Variants in TBC1D5 observed in about 807,000 individuals in gnomAD.
TBC1D5 encodes the protein TBC1 domain family, member 5.
In TBC1D5, 75 loss-of-function variants were observed where a neutral mutation model predicts 100.3. The observed-to-expected ratio is 0.75, with a 90% CI of 0.62 to 0.91. The LOEUF (loss-of-function observed/expected upper bound fraction) is 0.91. Ranked by LOEUF, TBC1D5 falls within the 40% of genes least tolerant of loss-of-function variation. TBC1D5 has a pLI of 0.00. For missense variants in TBC1D5, 910 were observed against 942.4 expected (o/e 0.97, Z 0.45); for synonymous variants, 323 against 325.6 (o/e 0.99, Z 0.09).
chr3:17,530,341 T>C (rs1191494233), intron 2 of TBC1D5, among the ~76,000 whole-genome samples: 1 of 149,184 alleles, frequency 6.7e-6, no homozygotes, highest in African/African-American at 2.5e-5. Flanking sequence ...AAAATATCGA[T>C]GGGGGGTTGG....
intron 3 of TBC1D5, among the ~76,000 whole-genome samples, chr3:17,476,919 A>G (rs1195200549): frequency 2.6e-5 from 4 of 152,008 alleles, no homozygotes; most frequent in Admixed American, 2.0e-4. Context: ...CACACGTTAT[A>G]TAACAAGGAA....
chr3:17,593,498 T>C (rs553107210), intron 2 of TBC1D5, among the ~76,000 whole-genome samples: 1 of 152,258 alleles, frequency 6.6e-6, no homozygotes, highest in East Asian at 1.9e-4. Flanking sequence ...TGGTGACAGG[T>C]TGATTATACT....
At chr3:17,378,774 T>G (rs2092811307) in intron 9 of TBC1D5, among the ~76,000 whole-genome samples, 1 of 151,608 alleles carries the variant, frequency 6.6e-6, no homozygotes, top group African/African-American at 2.4e-5. Flanking sequence ...TTCCTTTTTT[T>G]TTTTTCAGTT....
At chr3:17,511,348 T>G (rs1433346988) in intron 2 of TBC1D5, among the ~76,000 whole-genome samples, 1 of 151,986 alleles carries the variant, frequency 6.6e-6, no homozygotes, top group East Asian at 1.9e-4. Context: ...TTCCTTAAAT[T>G]TTCTTTAATA....
chr3:17,680,641 T>A (rs2069322932), intron 1 of TBC1D5, among the ~76,000 whole-genome samples: 1 of 151,380 alleles, frequency 6.6e-6, no homozygotes, highest in Non-Finnish European at 1.5e-5. Context: ...ATTTGTGTGA[T>A]ATTGTTTTTG....
At chr3:17,696,689 G>C (rs2072161150) in intron 1 of TBC1D5, among the ~76,000 whole-genome samples, 14 of 152,170 alleles carry the variant, frequency 9.2e-5, no homozygotes, top group Admixed American at 9.2e-4. Flanking sequence ...AGAGGAGCTG[G>C]TACCATTCCT....
chr3:17,614,977 T>C (rs943581769), intron 2 of TBC1D5, among the ~76,000 whole-genome samples: 1 of 152,236 alleles, frequency 6.6e-6, no homozygotes, highest in African/African-American at 2.4e-5. Context: ...TCAAAGGGAA[T>C]GCTTCCAGTT....
intron 15 of TBC1D5, among the ~76,000 whole-genome samples, chr3:17,276,131 AGGTGGCAGCAGAGCT>A (rs543300777): frequency 1.5e-3 from 231 of 152,308 alleles, no homozygotes; most frequent in Middle Eastern, 0.01. Context: ...TCCAGGATAA[AGGTGGCAGCAGAGCT>A]GGTGTCTGGT....
intron 2 of TBC1D5, among the ~76,000 whole-genome samples, chr3:17,549,963 GAATAAT>G (rs988911819): frequency 2.7e-5 from 4 of 150,026 alleles, no homozygotes; most frequent in Non-Finnish European, 5.9e-5. Flanking sequence ...GTAATAATAA[GAATAAT>G]AATAATAATG....
intron 3 of TBC1D5, among the ~76,000 whole-genome samples, chr3:17,474,933 GA>G (rs1163587045): frequency 6.6e-6 from 1 of 151,364 alleles, no homozygotes; most frequent in Non-Finnish European, 1.5e-5. Context: ...CAATGTGGAA[GA>G]AAAAAAAGAA....
chr3:17,401,305 C>T (rs6804421), intron 8 of TBC1D5, among the ~76,000 whole-genome samples: 87,784 of 123,210 alleles, frequency 0.71, 32,188 homozygotes, highest in African/African-American at 0.87. Flanking sequence ...GTGTATAATA[C>T]ACATATATAT....
intron 2 of TBC1D5, among the ~76,000 whole-genome samples, chr3:17,553,777 C>T (rs1259546725): frequency 6.6e-6 from 1 of 152,104 alleles, no homozygotes; most frequent in African/African-American, 2.4e-5. Flanking sequence ...TTCTAAAATC[C>T]CGAAAATTAT....
chr3:17,217,035 T>C lies in TBC1D5; in HGVS notation c.1589-2665A>G, dbSNP rs1306319376. Among the ~76,000 whole-genome samples, 3 of 152,148 alleles carry C rather than the reference T, an allele frequency of 2.0e-5. No individual in the cohort carries two copies. The East Asian group carries it at 5.8e-4, about 29-fold the overall frequency. ...TGGCCATTAGCAGTTATTTCCAGTA[T>C]ACCCCCTCTTCCCATAGTCCCTGCA... On this transcript the variant is annotated intron_variant, in intron 17 of 21. Transcript: ENST00000253692.
chr3:17,309,788 AACC>A (rs1393506484), intron 13 of TBC1D5, among the ~76,000 whole-genome samples: 1 of 152,134 alleles, frequency 6.6e-6, no homozygotes, highest in African/African-American at 2.4e-5. Flanking sequence ...GTACCAGGGG[AACC>A]AGAGATGGGC....
At chr3:17,412,299 A>G (rs1482713081) in intron 4 of TBC1D5, among the ~76,000 whole-genome samples, 1 of 152,100 alleles carries the variant, frequency 6.6e-6, no homozygotes, top group East Asian at 1.9e-4. Context: ...GGGGAAAGAA[A>G]TGGTTTGATA....
At chr3:17,563,538 TG>T (rs1429977041) in intron 2 of TBC1D5, among the ~76,000 whole-genome samples, 1 of 152,244 alleles carries the variant, frequency 6.6e-6, no homozygotes, top group Non-Finnish European at 1.5e-5. Flanking sequence ...AAATGTCACC[TG>T]GAATTATCAA....
chr3:17,634,626 T>TA (rs1000749608), intron 1 of TBC1D5, among the ~76,000 whole-genome samples: 2,610 of 85,464 alleles, frequency 0.031, 32 homozygotes, highest in Middle Eastern at 0.061. Context: ...GCTAATAGGG[T>TA]AAAAAAAAAA....
At chr3:17,734,345 T>C (rs1210252556) in intron 1 of TBC1D5, among the ~76,000 whole-genome samples, 2 of 152,078 alleles carry the variant, frequency 1.3e-5, no homozygotes, top group South Asian at 2.1e-4. Context: ...GAAGACCCAA[T>C]AGTAAAGTTT....
intron 1 of TBC1D5, chr3:17,643,891 T>C (rs866040023): frequency 6.6e-6 from 1 of 152,250 alleles, no homozygotes; most frequent in Non-Finnish European, 1.5e-5. Flanking sequence ...GAGCAATCTA[T>C]TTTAAAGTAG....
Sources: allele counts gnomAD v4.1 joint callset (sites outside exome capture counted in the v4.1 genomes callset), GRCh38; gene constraint gnomAD v4.1.1; transcripts MANE v1.5; gene names NCBI Gene and HGNC (gene_info 2026-07-23, HGNC 2026-07-21).